Variants in DYRK1B observed in about 807,000 individuals in gnomAD.
DYRK1B encodes the protein dual specificity tyrosine-phosphorylation-regulated kinase 1B.
In DYRK1B, 20 loss-of-function variants were observed where a neutral mutation model predicts 57.1. The observed-to-expected ratio is 0.35, with a 90% CI of 0.25 to 0.51. The LOEUF (loss-of-function observed/expected upper bound fraction) is 0.51. Among genes scored for constraint, DYRK1B ranks in the 20% least tolerant of loss-of-function variants. The pLI, the probability that DYRK1B is intolerant of heterozygous loss-of-function variation, is 0.96. For synonymous variants in DYRK1B, 409 were observed against 384.7 expected (o/e 1.06, Z -0.74); for missense variants, 732 against 886.3 (o/e 0.83, Z 2.21).
chr19:39,832,138 T>TGG (rs58029676), intron 1 of DYRK1B, among the ~76,000 whole-genome samples, 170 bp from the exon 2 acceptor site: 241 of 149,354 alleles, frequency 1.6e-3, no homozygotes, highest in African/African-American at 4.6e-3. Flanking sequence ...GGTAGCCAGG[T>TGG]GGGGGGGGAT....
rs1480075458 is a variant in DYRK1B, at chr19:39,826,260, T to C, written c.1438A>G (p.Asn480Asp). ...SGGSSGSSSDNRTYRYSNRYC... is the reference protein window; with the variant it reads ...SGGSSGSSSDDRTYRYSNRYC... ...CGGTTGCTGTAGCGGTAGGTCCGGT[T>C]GTCACTGGAGGAGCCACTGGAGCCT... The change falls in exon 10 of 11, where the codon AAC becomes GAC. Residue 480 changes from asparagine to aspartate, a missense_variant. By Grantham distance (23) the Asn-to-Asp change is conservative. Coordinates refer to ENST00000323039, the MANE Select transcript of DYRK1B (RefSeq NM_004714.3). This position sits in a 1 kb window ranked among gnomAD's most constrained non-coding sequence, Gnocchi z 6.3. 17 of 1,593,236 alleles carry C rather than the reference T, an allele frequency of 1.1e-5. No individual in the cohort carries two copies. In the Admixed American group the frequency reaches 2.7e-4, roughly 26 times the overall value.
rs576705312 is a variant in DYRK1B, at chr19:39,830,053, G to T, written c.373-26C>A. 3 of 1,612,454 alleles carry T rather than the reference G, an allele frequency of 1.9e-6. No homozygotes were observed. The East Asian group carries it at 6.7e-5, about 36-fold the overall frequency. On this transcript the variant is annotated intron_variant, in intron 4 of 10. Transcript: ENST00000323039. ...CTGTTGGGGCAGGGCATGTCACGAA[G>T]AAAGGGGTGGGAGCAGGGCAGAGCC...
At chr19:39,830,268 T>C in intron 4 of DYRK1B, 107 bp downstream of exon 4, 1 of 1,411,182 alleles carries the variant, frequency 7.1e-7, no homozygotes, top group Non-Finnish European at 9.8e-7. Flanking sequence ...GGAAACTAAG[T>C]GGGCTAGGGT....
Position 39,826,342 on chromosome 19 carries a change from TG to T in DYRK1B, c.1412-57del. ...GCATAAGGTGAGAGAAGGTGGCGAG[TG>T]GGTTTTGGGATGGCTGAGGGAAGGT... On this transcript the variant is annotated intron_variant, in intron 9 of 10. Transcript: ENST00000323039. The surrounding 1 kb of genome is among the most constrained non-coding windows in gnomAD (Gnocchi z 6.3). 2 of 1,412,830 alleles carry T rather than the reference TG, an allele frequency of 1.4e-6. No homozygotes were observed. Among genetic ancestry groups the T allele is most frequent in the South Asian group, 1.4e-5 (1 of 70,854 alleles). The allele number at this position is 1,412,830 out of a possible 1,614,324, so 87.5% of individuals were successfully genotyped here. A position where few individuals can be genotyped will look rare whatever the true frequency, so the allele number is the denominator to read the frequency against.
chr19:39,833,170 C>T, intron 1 of DYRK1B: 1 of 985,754 alleles, frequency 1.0e-6, no homozygotes, highest in Non-Finnish European at 1.2e-6. Flanking sequence ...CCTTGCCACT[C>T]CACGACTCCT....
In DYRK1B at chr19:39,826,657, C is replaced by T. The variant is rs758085570; in HGVS notation, c.1411+15G>A. The T allele has an allele frequency of 2.0e-5, 32 of 1,582,724 alleles. No individual in the cohort carries two copies. The highest frequency in any genetic ancestry group is 1.1e-4 in the African/African-American group (8 of 73,410). ...CCCCACCCGTTGTACCCCATTTGGG[C>T]ACCTGGGCACCCACCAGAACTGGAG... On this transcript the variant is annotated intron_variant, in intron 9 of 10. Coordinates refer to ENST00000323039, the MANE Select transcript of DYRK1B (RefSeq NM_004714.3). The surrounding 1 kb of genome is among the most constrained non-coding windows in gnomAD (Gnocchi z 6.3).
chr19:39,832,226 T>C (rs539292932), intron 1 of DYRK1B, among the ~76,000 whole-genome samples: 13 of 151,610 alleles, frequency 8.6e-5, no homozygotes, highest in African/African-American at 3.2e-4. Context: ...AAGACAATGA[T>C]TGGGGGCCAA....
intron 4 of DYRK1B, 140 bp downstream of exon 4, chr19:39,830,235 C>G: frequency 1.6e-6 from 2 of 1,241,314 alleles, no homozygotes; most frequent in Non-Finnish European, 2.2e-6. Context: ...AACTGTTTTA[C>G]AGAAAAGGCG....
chr19:39,833,317 C>A, intron 1 of DYRK1B: 1 of 985,530 alleles, frequency 1.0e-6, no homozygotes, highest in Non-Finnish European at 1.2e-6. Context: ...GCGGTGGGGC[C>A]CCCAGTGGGG....
At position 39,828,282 on chromosome 19, in the gene DYRK1B, C is replaced by T. The variant is rs1392697596; in HGVS notation, c.807+15G>A. The T allele has an allele frequency of 1.9e-6, 3 of 1,612,364 alleles. No individual in the cohort carries two copies. Among genetic ancestry groups the T allele is most frequent in the Non-Finnish European group, 2.5e-6 (3 of 1,179,346 alleles). ...AAACTACTAGCCGTGCTCCCAGGAC[C>T]GGGCCGCCCCCTACCCTCTGGCCAA... is the stretch of plus-strand genomic sequence containing the variant. On this transcript the variant is annotated intron_variant, in intron 6 of 10. Transcript: ENST00000323039. The surrounding 1 kb of genome is among the most constrained non-coding windows in gnomAD (Gnocchi z 4.3).
chr19:39,826,844 C>T lies in DYRK1B; in HGVS notation c.1239G>A (p.Glu413=), dbSNP rs958385654. The T allele has an allele frequency of 6.8e-7, 1 of 1,475,792 alleles. No individual in the cohort carries two copies. Among genetic ancestry groups the T allele is most frequent in the East Asian group, 2.6e-5 (1 of 38,780 alleles). The allele number at this position is 1,475,792 out of a possible 1,614,324, so 91.4% of individuals were successfully genotyped here. A position where few individuals can be genotyped will look rare whatever the true frequency, so the allele number is the denominator to read the frequency against. ...RFQDLVLRML[E]YEPAARISPL... ...GGCTGATGCGGGCGGCGGGCTCATA[C>T]TCCAGCATGCGCAGCACCAGGTCCT... The change falls in exon 9 of 11, where the codon GAG becomes GAA. Residue 413 remains glutamate, a synonymous_variant. Transcript: ENST00000323039. The surrounding 1 kb of genome is among the most constrained non-coding windows in gnomAD (Gnocchi z 6.3).
At chr19:39,831,671 T>C in intron 2 of DYRK1B, 134 bp downstream of exon 2, 1 of 1,177,458 alleles carries the variant, frequency 8.5e-7, no homozygotes, top group Non-Finnish European at 1.2e-6. Context: ...CCTCTGTTAT[T>C]TTCCAATCCC....
chr19:39,826,088 T>C lies in DYRK1B; in HGVS notation c.1519-2A>G. The C allele has an allele frequency of 1.3e-6, 2 of 1,525,744 alleles. No homozygotes were observed. Among genetic ancestry groups the C allele is most frequent in the Non-Finnish European group, 1.8e-6 (2 of 1,140,844 alleles). The allele number at this position is 1,525,744 out of a possible 1,614,324, so 94.5% of individuals were successfully genotyped here. ...CCGCAGCGGCTGGGAGGGTGGGACCTAAAAAAGCAAAGGAGCCATGGGTGA... is the reference window on the plus strand; with the variant it reads ...CCGCAGCGGCTGGGAGGGTGGGACCCAAAAAAGCAAAGGAGCCATGGGTGA... On this transcript the variant is annotated splice_acceptor_variant, in intron 10 of 10. Transcript: ENST00000323039. LOFTEE classifies it high-confidence loss of function. The surrounding 1 kb of genome is among the most constrained non-coding windows in gnomAD (Gnocchi z 6.3).
At position 39,827,004 on chromosome 19, in the gene DYRK1B, G is replaced by C; in HGVS notation, c.1096-17C>G. On this transcript the variant is annotated splice_polypyrimidine_tract_variant and intron_variant, in intron 8 of 10. Coordinates refer to ENST00000323039, the MANE Select transcript of DYRK1B (RefSeq NM_004714.3). ...CTGGTAATCCTGGCAGGGAGGGGGTGGGAGGGGGGGCAAGAGAGTGGCCGT... is the reference window on the plus strand; with the variant it reads ...CTGGTAATCCTGGCAGGGAGGGGGTCGGAGGGGGGGCAAGAGAGTGGCCGT... 3.6e-6 allele frequency: 5 copies of C among 1,404,012 alleles called. No individual in the cohort carries two copies. The highest frequency in any genetic ancestry group is 4.6e-6 in the Non-Finnish European group (5 of 1,075,782). The allele number at this position is 1,404,012 out of a possible 1,614,324, so 87.0% of individuals were successfully genotyped here.
rs1035754740 is a variant in DYRK1B, at chr19:39,828,498, G to A, written c.606C>T (p.Arg202=). Residue 202 remains arginine, a synonymous_variant, in exon 6 of 11, where the codon CGC becomes CGT. Transcript: ENST00000323039. The surrounding 1 kb of genome is among the most constrained non-coding windows in gnomAD (Gnocchi z 4.3). ...GCGAGACGCCGCGGAAGTGGGTGTT[G>A]CGCAGGAGGTCGTACAGGTTGTAGG... is the stretch of plus-strand genomic sequence containing the variant. ...LLSYNLYDLL[R]NTHFRGVSLN... 2 of 1,613,718 alleles carry A rather than the reference G, an allele frequency of 1.2e-6. No homozygotes were observed. The highest frequency in any genetic ancestry group is 1.7e-6 in the Non-Finnish European group (2 of 1,179,842).
Position 39,826,788 on chromosome 19 carries a change from C to T in DYRK1B, c.1295G>A (p.Arg432His), listed in dbSNP as rs745965248. Residue 432 changes from arginine (R) to histidine (H), a missense_variant, in exon 9 of 11, where the codon CGC becomes CAC. Transcript: ENST00000323039. The surrounding 1 kb of genome is among the most constrained non-coding windows in gnomAD (Gnocchi z 6.3). ...GTTGGTGGCCTCGTCGGCCGTGCGG[C>T]GGAAGAAGCCGTGCTGCAGAGCCCC... ...PLGALQHGFF[R>H]RTADEATNTG... 13 of 1,549,478 alleles carry T rather than the reference C, an allele frequency of 8.4e-6. No individual in the cohort carries two copies. The highest frequency in any genetic ancestry group is 2.4e-5 in the East Asian group (1 of 42,480).
At position 39,826,815 on chromosome 19, in the gene DYRK1B, A is replaced by C. The variant is rs544360069; in HGVS notation, c.1268T>G (p.Leu423Arg). 6.6e-7 allele frequency: 1 copy of C among 1,520,062 alleles called. No homozygotes were observed. Among genetic ancestry groups the C allele is most frequent in the East Asian group, 2.4e-5 (1 of 40,928 alleles). 94.2% of individuals were successfully genotyped at this position (1,520,062 alleles called of 1,614,324 possible). A position where few individuals can be genotyped will look rare whatever the true frequency, so the allele number is the denominator to read the frequency against. ...EYEPAARISP[L>R]GALQHGFFRR... ...GAAGAAGCCGTGCTGCAGAGCCCCC[A>C]GGGGGCTGATGCGGGCGGCGGGCTC... The change falls in exon 9 of 11, where the codon CTG (leucine) becomes CGG (arginine). Residue 423 changes from leucine (L) to arginine (R), a missense_variant. Coordinates refer to ENST00000323039, the MANE Select transcript of DYRK1B (RefSeq NM_004714.3). The surrounding 1 kb of genome is among the most constrained non-coding windows in gnomAD (Gnocchi z 6.3).
chr19:39,827,752 G>T, intron 6 of DYRK1B, 96 bp from the exon 7 acceptor site: 2 of 1,461,668 alleles, frequency 1.4e-6, no homozygotes, highest in Non-Finnish European at 1.8e-6. Flanking sequence ...CAGGCTTCTT[G>T]CTGACAAAAT....
At chr19:39,827,154 G>A in intron 8 of DYRK1B, 131 bp downstream of exon 8, 1 of 1,286,508 alleles carries the variant, frequency 7.8e-7, no homozygotes, top group African/African-American at 1.5e-5. Flanking sequence ...GGGCAGGGGA[G>A]GAAGGAAAGG....
Sources: allele counts gnomAD v4.1 joint callset (sites outside exome capture counted in the v4.1 genomes callset), GRCh38; gene constraint gnomAD v4.1.1; non-coding constraint Gnocchi (gnomAD v3.1); transcripts MANE v1.5; gene names NCBI Gene and HGNC (gene_info 2026-07-23, HGNC 2026-07-21).